Variants in DNAJC15 observed in about 807,000 individuals in gnomAD.
DNAJC15 encodes the protein DnaJ heat shock protein family (Hsp40) member C15, also known as dnaJ homolog subfamily C member 15.
In DNAJC15, 27 loss-of-function variants were observed where a neutral mutation model predicts 22.4. That is an observed-to-expected ratio of 1.20 (90% CI 0.89 to 1.66). DNAJC15 has a LOEUF of 1.66. Ranked by LOEUF, DNAJC15 falls within the 40% of genes most tolerant of loss-of-function variation. DNAJC15 has a pLI of 0.00. For missense variants in DNAJC15, 208 were observed against 187.1 expected (o/e 1.11, Z -0.65); for synonymous variants, 79 against 63.2 (o/e 1.25, Z -1.19).
chr13:43,044,525 C>A (rs2040467526), intron 1 of DNAJC15, among the ~76,000 whole-genome samples: 1 of 152,140 alleles, frequency 6.6e-6, no homozygotes, highest in African/African-American at 2.4e-5. Context: ...TTTAGTTGTT[C>A]AAGACAATAA....
rs140502471 is a variant in DNAJC15, at chr13:43,031,448, A to C, written c.108+7714A>C. On this transcript the variant is annotated intron_variant, in intron 1 of 5. Transcript: ENST00000379221. ...TAAGAAGGGTAGAAACTAAACCTAG[A>C]CTCCTAGACTGGGAACTCCTCAGCA... Among the ~76,000 whole-genome samples the C allele has an allele frequency of 1.8e-4, 27 of 152,210 alleles. No homozygotes were observed. The East Asian group carries it at 5.0e-3, about 28-fold the overall frequency.
Position 43,114,201 on chromosome 13 carries a change from T to G in DNAJC15, c.*6953T>G, listed in dbSNP as rs1350473572. The G allele has an allele frequency of 6.6e-6, 1 of 152,236 alleles. No homozygotes were observed. The highest frequency in any genetic ancestry group is 6.5e-5 in the Admixed American group (1 of 15,282). 9.4% of individuals were successfully genotyped at this position (152,236 alleles called of 1,614,324 possible). A position where few individuals can be genotyped will look rare whatever the true frequency, so the allele number is the denominator to read the frequency against. On this transcript the variant is annotated 3_prime_UTR_variant, in exon 6 of 6. Coordinates refer to ENST00000379221, the MANE Select transcript of DNAJC15 (RefSeq NM_013238.3). ...GATGCAGTTAAAATAAAACCTAATC[T>G]GCTAAAATTGAATTTACACTCAATT...
intron 2 of DNAJC15, among the ~76,000 whole-genome samples, chr13:43,067,932 TCTC>T (rs995065812): frequency 2.0e-5 from 3 of 152,156 alleles, no homozygotes; most frequent in African/African-American, 7.2e-5. Context: ...TATTTAATGT[TCTC>T]CTTTATCTCA....
At chr13:43,106,870 T>G (rs2040799378) in intron 5 of DNAJC15, among the ~76,000 whole-genome samples, 1 of 151,914 alleles carries the variant, frequency 6.6e-6, no homozygotes, top group Non-Finnish European at 1.5e-5. Flanking sequence ...TTTAGAAAAT[T>G]CTCTGGTCAA....
At chr13:43,032,761 G>T (rs2262406) in intron 1 of DNAJC15, among the ~76,000 whole-genome samples, 3,917 of 152,176 alleles carry the variant, frequency 0.026, 154 homozygotes, top group African/African-American at 0.085. Flanking sequence ...GGAGGTGGAG[G>T]CTACAGTGAA....
At chr13:43,104,330 T>C (rs1327023429) in intron 5 of DNAJC15, among the ~76,000 whole-genome samples, 2 of 152,206 alleles carry the variant, frequency 1.3e-5, no homozygotes, top group Non-Finnish European at 2.9e-5. Flanking sequence ...CTGGCTTCTT[T>C]GAAGGAAAAA....
At chr13:43,034,613 C>T (rs1362599585) in intron 1 of DNAJC15, among the ~76,000 whole-genome samples, 3 of 103,350 alleles carry the variant, frequency 2.9e-5, no homozygotes, top group African/African-American at 8.5e-5. Flanking sequence ...CCGCACCCAG[C>T]CGAGATTGTC....
At chr13:43,048,990 A>G (rs777144951) in intron 1 of DNAJC15, among the ~76,000 whole-genome samples, 2 of 96,792 alleles carry the variant, frequency 2.1e-5, no homozygotes, top group African/African-American at 5.4e-5. Context: ...AAAAAGCCTC[A>G]TATGGCATCC....
intron 1 of DNAJC15, among the ~76,000 whole-genome samples, chr13:43,034,604 C>A (rs140886513): frequency 0.018 from 2,221 of 126,172 alleles, 54 homozygotes; most frequent in African/African-American, 0.061. Flanking sequence ...CGTGAGCCAC[C>A]GCACCCAGCC....
chr13:43,052,745 G>GT (rs1260862045), intron 1 of DNAJC15, among the ~76,000 whole-genome samples: 2 of 151,988 alleles, frequency 1.3e-5, no homozygotes, highest in Non-Finnish European at 2.9e-5. Context: ...GGCATTATTT[G>GT]TTTTTTTCTT....
At position 43,108,131 on chromosome 13, in the gene DNAJC15, G is replaced by T. The variant is rs2040807137; in HGVS notation, c.*883G>T. On this transcript the variant is annotated 3_prime_UTR_variant, in exon 6 of 6. Transcript: ENST00000379221. Reference sequence around the variant, plus strand: ...TAGATACAGATGATATATTTTAAAAGTTCAAAGGAAGAAAAGAATGTGTTA... The same window carrying T: ...TAGATACAGATGATATATTTTAAAATTTCAAAGGAAGAAAAGAATGTGTTA... 2 of 152,526 alleles carry T rather than the reference G, an allele frequency of 1.3e-5. No homozygotes were observed. Among genetic ancestry groups the T allele is most frequent in the Admixed American group, 1.3e-4 (2 of 15,272 alleles). The allele number at this position is 152,526 out of a possible 1,614,324, so 9.4% of individuals were successfully genotyped here.
At chr13:43,036,460 A>G (rs1486470319) in intron 1 of DNAJC15, among the ~76,000 whole-genome samples, 1 of 152,152 alleles carries the variant, frequency 6.6e-6, no homozygotes, top group South Asian at 2.1e-4. Flanking sequence ...TGATTGGTTG[A>G]TGGGTGGCTG....
intron 5 of DNAJC15, among the ~76,000 whole-genome samples, chr13:43,095,994 A>T (rs2040737811): frequency 6.6e-6 from 1 of 152,116 alleles, no homozygotes; most frequent in Admixed American, 6.5e-5. Flanking sequence ...TTAAGGGAAA[A>T]ATGCTGTTTT....
At chr13:43,070,397 T>G (rs897120956) in intron 3 of DNAJC15, among the ~76,000 whole-genome samples, 1 of 152,078 alleles carries the variant, frequency 6.6e-6, no homozygotes, top group Non-Finnish European at 1.5e-5. Flanking sequence ...TGGGATATAG[T>G]TATGGACCAA....
chr13:43,101,794 A>G (rs181756565), intron 5 of DNAJC15, among the ~76,000 whole-genome samples: 62 of 152,306 alleles, frequency 4.1e-4, no homozygotes, highest in Non-Finnish European at 8.4e-4. Flanking sequence ...GTAGTATTCC[A>G]TTATAGATAT....
chr13:43,042,241 GAC>G (rs1358071953), intron 1 of DNAJC15, among the ~76,000 whole-genome samples: 1 of 152,100 alleles, frequency 6.6e-6, no homozygotes, highest in African/African-American at 2.4e-5. Flanking sequence ...GGTACAGTAA[GAC>G]ATTAACAACA....
At chr13:43,102,692 C>T (rs1278895564) in intron 5 of DNAJC15, among the ~76,000 whole-genome samples, 1 of 152,010 alleles carries the variant, frequency 6.6e-6, no homozygotes, top group Non-Finnish European at 1.5e-5. Context: ...GTAAGCCAGT[C>T]TTGCATTCCT....
rs2153442772 is a variant in DNAJC15, at chr13:43,113,274, C to G, written c.*6026C>G. ...CAGAGAGGCAATGAAAACAAGACAA[C>G]TGAAATGAGGTAACTTGCAGCAATT... On this transcript the variant is annotated 3_prime_UTR_variant, in exon 6 of 6. Coordinates refer to ENST00000379221, the MANE Select transcript of DNAJC15 (RefSeq NM_013238.3). The G allele has an allele frequency of 6.6e-6, 1 of 152,284 alleles. No individual in the cohort carries two copies. The highest frequency in any genetic ancestry group is 2.1e-4 in the South Asian group (1 of 4,824). 9.4% of individuals were successfully genotyped at this position (152,284 alleles called of 1,614,324 possible).
chr13:43,045,060 A>G (rs2040470222), intron 1 of DNAJC15, among the ~76,000 whole-genome samples: 1 of 152,166 alleles, frequency 6.6e-6, no homozygotes, highest in Admixed American at 6.5e-5. Flanking sequence ...TATAAGGCCC[A>G]GCATGATCTG....
Sources: allele counts gnomAD v4.1 joint callset (sites outside exome capture counted in the v4.1 genomes callset), GRCh38; gene constraint gnomAD v4.1.1; transcripts MANE v1.5; gene names NCBI Gene and HGNC (gene_info 2026-07-23, HGNC 2026-07-21).